OXTR: variants seen among roughly 807,000 people sequenced by gnomAD.
OXTR encodes the protein oxytocin receptor.
In OXTR, 19 loss-of-function variants were observed where a neutral mutation model predicts 23.9. The observed-to-expected ratio is 0.80, with a 90% CI of 0.56 to 1.17. OXTR has a LOEUF of 1.17. Ranked by LOEUF, OXTR falls within the 50% of genes most tolerant of loss-of-function variation. The pLI is 0.00. For synonymous variants in OXTR, 278 were observed against 250.5 expected, an observed-to-expected ratio of 1.11 and a Z score of -1.04; for missense variants, 500 against 550.7, an observed-to-expected ratio of 0.91 and a Z score of 0.92.
At chr3:8,758,122 G>A in intron 3 of OXTR, among the ~76,000 whole-genome samples, 1 of 152,034 alleles carries the variant, frequency 6.6e-6, no homozygotes, top group East Asian at 1.9e-4. Flanking sequence ...GTCCCTGGGA[G>A]AATCAACTCT....
Position 8,767,545 on chromosome 3 carries a change from C to G in OXTR, c.643G>C (p.Val215Leu), listed in dbSNP as rs771284722. The G allele has an allele frequency of 2.5e-6, 4 of 1,613,212 alleles. No homozygotes were observed. In the East Asian group the frequency reaches 8.9e-5, roughly 36 times the overall value. The change falls in exon 3 of 4, where the codon GTG (valine) becomes CTG (leucine). Residue 215 changes from valine (V) to leucine (L), a missense_variant. Val to Leu is a conservative substitution (Grantham distance 32). Transcript: ENST00000316793. ...ATAAGGCCGTAGCAGGCAGCGAGCACGATGACCGGCACGATGTAGACAGCT... is the reference window on the plus strand; with the variant it reads ...ATAAGGCCGTAGCAGGCAGCGAGCAGGATGACCGGCACGATGTAGACAGCT... ...TLAVYIVPVI[V>L]LAACYGLISF...
chr3:8,768,192 C>T lies in OXTR; in HGVS notation c.-5G>A. The T allele has an allele frequency of 2.3e-6, 3 of 1,289,764 alleles. No individual in the cohort carries two copies. Among genetic ancestry groups the T allele is most frequent in the Non-Finnish European group, 2.9e-6 (3 of 1,025,692 alleles). 79.9% of individuals were successfully genotyped at this position (1,289,764 alleles called of 1,614,324 possible). The stretch of plus-strand genomic sequence containing the variant: ...GGCTGCGAGCGCGCCCTCCATGACC[C>T]TGGCGGCAGCGGTGCGCCCCGGCCT... On this transcript the variant is annotated 5_prime_UTR_variant, in exon 3 of 4. Transcript: ENST00000316793. This position sits in a 1 kb window ranked among gnomAD's most constrained non-coding sequence, Gnocchi z 5.4.
At chr3:8,742,561 A>G in the OXTR span, 921 of 451,676 alleles carry the variant, frequency 2.0e-3, 6 homozygotes, top group African/African-American at 0.017. Flanking sequence ...CGGGATGTCA[A>G]AAGAATTTCT....
At chr3:8,764,800 C>T (rs1010769832) in intron 3 of OXTR, among the ~76,000 whole-genome samples, 4 of 152,248 alleles carry the variant, frequency 2.6e-5, no homozygotes, top group Admixed American at 2.6e-4. Context: ...CTTGGGGCAG[C>T]GGGGAGGTCC....
At chr3:8,760,027 T>C (rs950654725) in intron 3 of OXTR, among the ~76,000 whole-genome samples, 3 of 152,214 alleles carry the variant, frequency 2.0e-5, no homozygotes, top group Non-Finnish European at 2.9e-5. Flanking sequence ...GTTCCCAGCA[T>C]CCTTGGACTT....
intron 3 of OXTR, among the ~76,000 whole-genome samples, chr3:8,756,927 A>G (rs540945909): frequency 6.6e-6 from 1 of 152,348 alleles, no homozygotes; most frequent in East Asian, 1.9e-4. Flanking sequence ...ACAAGTCCTC[A>G]TGGGCCTGAC....
At chr3:8,762,173 C>T (rs944934913) in intron 3 of OXTR, among the ~76,000 whole-genome samples, 1 of 152,182 alleles carries the variant, frequency 6.6e-6, no homozygotes, top group Admixed American at 6.5e-5. Context: ...TGCTAATCTC[C>T]TCCTGATCCG....
At chr3:8,765,624 T>C (rs1056349760) in intron 3 of OXTR, among the ~76,000 whole-genome samples, 1 of 152,200 alleles carries the variant, frequency 6.6e-6, no homozygotes, top group African/African-American at 2.4e-5. Flanking sequence ...ATCTGGTTTC[T>C]TCAGATCTGC....
rs1273572433 is a variant in OXTR, at chr3:8,752,288, A to G, written c.*689T>C. 1 of 152,160 alleles carries G rather than the reference A, an allele frequency of 6.6e-6. No homozygotes were observed. Among genetic ancestry groups the G allele is most frequent in the East Asian group, 1.9e-4 (1 of 5,194 alleles). 9.4% of individuals were successfully genotyped at this position (152,160 alleles called of 1,614,324 possible). A position where few individuals can be genotyped will look rare whatever the true frequency, so the allele number is the denominator to read the frequency against. On this transcript the variant is annotated 3_prime_UTR_variant, in exon 4 of 4. Coordinates refer to ENST00000316793, the MANE Select transcript of OXTR (RefSeq NM_000916.4). ...GTGAGTTCCTTAGGATTTTCTATAT[A>G]CAAAACTGTGTCATCTGCAAATAGT... is the stretch of plus-strand genomic sequence containing the variant.
In OXTR at chr3:8,767,150, T is replaced by G; in HGVS notation, c.922+116A>C. 3.8e-6 allele frequency: 4 copies of G among 1,060,822 alleles called. No individual in the cohort carries two copies. The South Asian group carries it at 8.5e-5, about 22-fold the overall frequency. The allele number at this position is 1,060,822 out of a possible 1,614,324, so 65.7% of individuals were successfully genotyped here. A position where few individuals can be genotyped will look rare whatever the true frequency, so the allele number is the denominator to read the frequency against. On this transcript the variant is annotated intron_variant, in intron 3 of 3. Coordinates refer to ENST00000316793, the MANE Select transcript of OXTR (RefSeq NM_000916.4). ...GACAGAGCAGTGACTCTGTGGGATT[T>G]CAAACCCGCTTATCCCCCAGGAAGT...
chr3:8,757,203 A>T (rs935571058), intron 3 of OXTR, among the ~76,000 whole-genome samples: 3 of 152,124 alleles, frequency 2.0e-5, no homozygotes, highest in Non-Finnish European at 2.9e-5. Flanking sequence ...GCTATTGAGA[A>T]AATGAAAAAA....
intron 3 of OXTR, among the ~76,000 whole-genome samples, chr3:8,753,875 G>A (rs973022198): frequency 1.3e-5 from 2 of 152,180 alleles, no homozygotes; most frequent in African/African-American, 4.8e-5. Context: ...GGCACCGGAA[G>A]GGGGTGCCAC....
chr3:8,763,251 C>A (rs1436849389), intron 3 of OXTR, among the ~76,000 whole-genome samples: 1 of 152,188 alleles, frequency 6.6e-6, no homozygotes, highest in Non-Finnish European at 1.5e-5. Flanking sequence ...TCTTGTCCAT[C>A]AGGAAGGGGC....
rs1708689632 is a variant in OXTR at position 8,768,411 on chromosome 3, G to A, written c.-142-82C>T. 6.2e-6 allele frequency: 4 copies of A among 649,938 alleles called. No individual in the cohort carries two copies. Among genetic ancestry groups the A allele is most frequent in the Admixed American group, 4.6e-5 (1 of 21,668 alleles). The allele number at this position is 649,938 out of a possible 1,614,324, so 40.3% of individuals were successfully genotyped here. ...TAGGGCGTGCTTGTCCCATTCCCAGGAACCCAACTCATCTGAAACAACAGG... is the reference window on the plus strand; with the variant it reads ...TAGGGCGTGCTTGTCCCATTCCCAGAAACCCAACTCATCTGAAACAACAGG... On this transcript the variant is annotated intron_variant, in intron 2 of 3. Transcript: ENST00000316793. This position sits in a 1 kb window ranked among gnomAD's most constrained non-coding sequence, Gnocchi z 5.4.
intron 3 of OXTR, among the ~76,000 whole-genome samples, chr3:8,763,667 A>G (rs923210300): frequency 1.4e-4 from 21 of 152,312 alleles, no homozygotes; most frequent in African/African-American, 4.6e-4. Flanking sequence ...CAAACCCTGC[A>G]TGGGGCATCC....
chr3:8,760,793 G>T (rs57329700), intron 3 of OXTR, among the ~76,000 whole-genome samples: 21,782 of 152,216 alleles, frequency 0.14, 2,615 homozygotes, highest in African/African-American at 0.33. Flanking sequence ...AGACAGCAAG[G>T]CCATAGGAAC....
chr3:8,746,998 G>T (rs1708183927), downstream of OXTR, among the ~76,000 whole-genome samples: 2 of 152,054 alleles, frequency 1.3e-5, no homozygotes, highest in South Asian at 4.1e-4. Flanking sequence ...GACATGTCCT[G>T]CAGTAGATAA....
Position 8,767,370 on chromosome 3 carries a change from G to A in OXTR, c.818C>T (p.Thr273Met), listed in dbSNP as rs237901. The A allele has an allele frequency of 2.5e-6, 4 of 1,612,916 alleles. No homozygotes were observed. The highest frequency in any genetic ancestry group is 4.5e-5 in the East Asian group (2 of 44,806). ...VKLISKAKIRTVKMTFIIVLA... is the reference protein window; with the variant it reads ...VKLISKAKIRMVKMTFIIVLA... The stretch of plus-strand genomic sequence containing the variant: ...CACGATGATGAAAGTCATCTTGACC[G>A]TGCGGATCTTGGCCTTGGAGATGAG... Residue 273 changes from threonine to methionine, a missense_variant, in exon 3 of 4, where the codon ACG (threonine) becomes ATG (methionine). Thr to Met is a moderately conservative substitution (Grantham distance 81). Transcript: ENST00000316793.
At chr3:8,745,432 C>T (rs1708121687), downstream of OXTR, 7 of 955,096 alleles carry the variant, frequency 7.3e-6, no homozygotes, top group Admixed American at 1.9e-5. The surrounding 1 kb of genome is among the most constrained non-coding windows in gnomAD (Gnocchi z 4.8). Flanking sequence ...TTAACCTGAC[C>T]TCTAGGGGAT....
Sources: gnomAD v4.1 joint callset for allele counts (sites outside exome capture counted in the v4.1 genomes callset) on GRCh38, gnomAD v4.1.1 for gene constraint, Gnocchi (gnomAD v3.1) non-coding constraint, MANE v1.5 for transcripts, NCBI Gene and HGNC (gene_info 2026-07-23, HGNC 2026-07-21) for gene names.